TBC1D12: variants seen among roughly 807,000 people sequenced by gnomAD.
TBC1D12 encodes the protein TBC1 domain family, member 12.
TBC1D12 carries 56 observed loss-of-function variants against 86.7 expected under a neutral mutation model. That is an observed-to-expected ratio of 0.65 (90% CI 0.52 to 0.81). The LOEUF (loss-of-function observed/expected upper bound fraction) is 0.81, where lower values mean the gene tolerates loss of function less well. TBC1D12 is among the 30% of genes least tolerant of loss of function. TBC1D12 has a pLI of 0.00. For synonymous variants in TBC1D12, 421 were observed against 411.7 expected, an observed-to-expected ratio of 1.02 and a Z score of -0.27; for missense variants, 1,023 against 1,038.8, an observed-to-expected ratio of 0.98 and a Z score of 0.21.
At chr10:94,429,894 T>A (rs148770126) in intron 1 of TBC1D12, among the ~76,000 whole-genome samples, 45 of 152,178 alleles carry the variant, frequency 3.0e-4, no homozygotes, top group African/African-American at 1.1e-3. Flanking sequence ...CCACCACGCC[T>A]GCCTAATTTT....
At chr10:94,529,443 A>G (rs949768522) in intron 11 of TBC1D12, among the ~76,000 whole-genome samples, 1 of 152,166 alleles carries the variant, frequency 6.6e-6, no homozygotes, top group Non-Finnish European at 1.5e-5. Flanking sequence ...ACATGGAGAA[A>G]CGCCGTCTCT....
At chr10:94,426,367 A>G (rs949529160) in intron 1 of TBC1D12, among the ~76,000 whole-genome samples, 6 of 151,908 alleles carry the variant, frequency 3.9e-5, no homozygotes, top group Admixed American at 2.6e-4. Context: ...CCTTTTATTC[A>G]TAGTTTTCTT....
rs1265063453 is a variant in TBC1D12, at chr10:94,404,302, GT to G, written c.971+725del. 2.0e-5 allele frequency among the ~76,000 whole-genome samples: 3 copies of G among 151,968 alleles called. No individual in the cohort carries two copies. The East Asian group carries it at 5.8e-4, about 29-fold the overall frequency. The stretch of plus-strand genomic sequence containing the variant: ...CTCCTTTTTTTCCCCAATAACTTTA[GT>G]TTTTTTAAAAAATGGTATTGTATTT... On this transcript the variant is annotated intron_variant, in intron 1 of 12. Transcript: ENST00000225235.
intron 8 of TBC1D12, among the ~76,000 whole-genome samples, 172 bp downstream of exon 8, chr10:94,510,351 T>C (rs1422567018): frequency 1.3e-5 from 2 of 152,232 alleles, no homozygotes; most frequent in Non-Finnish European, 2.9e-5. Context: ...ATTTCTATTA[T>C]TTTATTCCAC....
intron 1 of TBC1D12, among the ~76,000 whole-genome samples, chr10:94,423,109 A>G (rs1355853121): frequency 6.6e-6 from 1 of 150,668 alleles, no homozygotes; most frequent in Non-Finnish European, 1.5e-5. Flanking sequence ...TGAAAGAAAG[A>G]AAGAGAAGCA....
At chr10:94,498,505 G>A (rs113654780) in intron 5 of TBC1D12, among the ~76,000 whole-genome samples, 2 of 152,102 alleles carry the variant, frequency 1.3e-5, no homozygotes, top group Non-Finnish European at 1.5e-5. Context: ...CCAGGCTGGA[G>A]TGCAGTGGCG....
Position 94,402,634 on chromosome 10 carries a change from C to G in TBC1D12, c.21C>G (p.Ala7=), listed in dbSNP as rs751576751. 41 of 1,611,770 alleles carry G rather than the reference C, an allele frequency of 2.5e-5. 1 individual carries two copies. In the South Asian group the frequency reaches 4.4e-4, roughly 17 times the overall value. Residue 7 remains alanine, a synonymous_variant, in exon 1 of 13, where the codon GCC becomes GCG. Coordinates refer to ENST00000225235, the MANE Select transcript of TBC1D12 (RefSeq NM_015188.2). MVGPED[A]GACSGRNPKL... ...CCCAGATGGTGGGTCCGGAGGATGC[C>G]GGAGCCTGCTCGGGAAGAAACCCCA...
intron 12 of TBC1D12, 98 bp from the exon 13 acceptor site, chr10:94,532,930 A>G: frequency 1.4e-6 from 1 of 691,096 alleles, no homozygotes; most frequent in Admixed American, 3.3e-5. Flanking sequence ...TGTTAAGTAT[A>G]ATAAAGCTTT....
intron 11 of TBC1D12, among the ~76,000 whole-genome samples, chr10:94,527,245 A>C (rs1193936862): frequency 3.9e-5 from 6 of 152,078 alleles, no homozygotes; most frequent in African/African-American, 1.2e-4. Flanking sequence ...GGTGTGCACC[A>C]GACCTGGCTA....
At chr10:94,448,241 G>C in intron 2 of TBC1D12, among the ~76,000 whole-genome samples, 1 of 152,184 alleles carries the variant, frequency 6.6e-6, no homozygotes, top group East Asian at 1.9e-4. Flanking sequence ...TAGCATACAT[G>C]TGTTTTGTGA....
At chr10:94,445,453 T>C (rs574955761) in intron 2 of TBC1D12, among the ~76,000 whole-genome samples, 1 of 152,298 alleles carries the variant, frequency 6.6e-6, no homozygotes, top group South Asian at 2.1e-4. Flanking sequence ...GAAATGTAGT[T>C]GCTGCCTCTG....
intron 2 of TBC1D12, among the ~76,000 whole-genome samples, chr10:94,456,459 C>A (rs571179491): frequency 1.3e-5 from 2 of 152,196 alleles, no homozygotes; most frequent in South Asian, 4.1e-4. Context: ...TGTTTAATCT[C>A]CAAGTATTTG....
In TBC1D12 at chr10:94,410,448, C is replaced by T. The variant is rs76964912; in HGVS notation, c.971+6864C>T. On this transcript the variant is annotated intron_variant, in intron 1 of 12. Transcript: ENST00000225235. ...CAGAGATGAGGTCTCACCATGTTGCCCAGGCTGGTGTCGAACTCCTGAGCT... is the reference window on the plus strand; with the variant it reads ...CAGAGATGAGGTCTCACCATGTTGCTCAGGCTGGTGTCGAACTCCTGAGCT... Among the ~76,000 whole-genome samples, 376 of 151,954 alleles carry T rather than the reference C, an allele frequency of 2.5e-3. 9 individuals are homozygous for T. The East Asian group carries it at 0.06, about 24-fold the overall frequency.
chr10:94,449,618 T>C (rs2134102552), intron 2 of TBC1D12, among the ~76,000 whole-genome samples: 1 of 152,350 alleles, frequency 6.6e-6, no homozygotes, highest in Non-Finnish European at 1.5e-5. Flanking sequence ...TGGCTCTCTA[T>C]AAATTGTTCA....
intron 3 of TBC1D12, among the ~76,000 whole-genome samples, chr10:94,480,759 C>T (rs1250774788): frequency 6.6e-6 from 1 of 150,926 alleles, no homozygotes; most frequent in Non-Finnish European, 1.5e-5. Flanking sequence ...CTACTGTATT[C>T]CCAGCTACTT....
intron 2 of TBC1D12, among the ~76,000 whole-genome samples, chr10:94,473,598 A>G (rs1056336319): frequency 1.8e-4 from 27 of 152,318 alleles, no homozygotes; most frequent in African/African-American, 4.3e-4. Context: ...AGTGTCTTCT[A>G]TAGCCACCAG....
At chr10:94,438,325 G>A (rs967654741) in intron 1 of TBC1D12, among the ~76,000 whole-genome samples, 2 of 151,666 alleles carry the variant, frequency 1.3e-5, no homozygotes, top group African/African-American at 2.4e-5. Context: ...TTTTTGTTCT[G>A]TTGTCTCTGT....
At chr10:94,420,031 C>T (rs971736290) in intron 1 of TBC1D12, among the ~76,000 whole-genome samples, 2 of 151,980 alleles carry the variant, frequency 1.3e-5, no homozygotes, top group South Asian at 2.1e-4. Context: ...TGCTGTGGAC[C>T]GAATGTTTGT....
intron 2 of TBC1D12, among the ~76,000 whole-genome samples, chr10:94,458,948 GA>G (rs1423994361): frequency 6.6e-6 from 1 of 152,230 alleles, no homozygotes; most frequent in East Asian, 1.9e-4. Context: ...TGCGAAGAGT[GA>G]AAAAACAAAG....
Sources: allele counts gnomAD v4.1 joint callset (sites outside exome capture counted in the v4.1 genomes callset), GRCh38; gene constraint gnomAD v4.1.1; transcripts MANE v1.5; gene names NCBI Gene and HGNC (gene_info 2026-07-23, HGNC 2026-07-21).